HDAC4: variants seen among roughly 807,000 people sequenced by gnomAD.
HDAC4 encodes histone deacetylase A.
A neutral mutation model predicts 135.1 loss-of-function variants in HDAC4; 16 were observed. The ratio of observed to expected loss-of-function variants is 0.12; its 90% CI spans 0.08 to 0.18. The LOEUF is 0.18. Among genes scored for constraint, HDAC4 ranks in the 10% least tolerant of loss-of-function variants. HDAC4 has a pLI of 1.00. For missense variants in HDAC4, 1,143 were observed against 1,511.8 expected (o/e 0.76, Z 4.05); for synonymous variants, 685 against 653.4 (o/e 1.05, Z -0.74).
rs1036053646 is a variant in HDAC4 at position 239,169,296 on chromosome 2, G to A, written c.491-5373C>T. 3.3e-5 allele frequency among the ~76,000 whole-genome samples: 5 copies of A among 152,348 alleles called. No individual in the cohort carries two copies. In the South Asian group the frequency reaches 6.2e-4, roughly 19 times the overall value. On this transcript the variant is annotated intron_variant, in intron 5 of 26. Transcript: ENST00000543185. ...ACCACAGAAGCGTGGAGGGGAGGCCGGACCCCAGGCAGAGGCCCCAGTGCT... is the reference window on the plus strand; with the variant it reads ...ACCACAGAAGCGTGGAGGGGAGGCCAGACCCCAGGCAGAGGCCCCAGTGCT...
intron 3 of HDAC4, among the ~76,000 whole-genome samples, chr2:239,211,696 C>T (rs1559232487): frequency 6.6e-6 from 1 of 152,180 alleles, no homozygotes; most frequent in Admixed American, 6.5e-5. Context: ...CCTTTAAATC[C>T]CAGGCAGTGA....
chr2:239,130,712 T>C (rs1425687846), intron 11 of HDAC4, among the ~76,000 whole-genome samples: 1 of 152,092 alleles, frequency 6.6e-6, no homozygotes, highest in African/African-American at 2.4e-5. Context: ...CGGGAAGCCT[T>C]CCCTAGGCCC....
At chr2:239,187,550 G>C (rs2044640173) in intron 4 of HDAC4, among the ~76,000 whole-genome samples, 1 of 152,208 alleles carries the variant, frequency 6.6e-6, no homozygotes, top group South Asian at 2.1e-4. Flanking sequence ...CCTGCAGCCA[G>C]CTTGAAAACT....
rs1466193530 is a variant in HDAC4, at chr2:239,331,614, G to A, written c.22+21064C>T. 6.6e-6 allele frequency among the ~76,000 whole-genome samples: 1 copy of A among 152,198 alleles called. No individual in the cohort carries two copies. The highest frequency in any genetic ancestry group is 2.4e-5 in the African/African-American group (1 of 41,460). ...CACACACGGGCCAGGTGAGCGAACTGCAATGACACGTCGCCAGGGCTGCAC... is the reference window on the plus strand; with the variant it reads ...CACACACGGGCCAGGTGAGCGAACTACAATGACACGTCGCCAGGGCTGCAC... On this transcript the variant is annotated intron_variant, in intron 2 of 26. Coordinates refer to ENST00000543185, the MANE Select transcript of HDAC4 (RefSeq NM_001378414.1). The surrounding 1 kb of genome is among the most constrained non-coding windows in gnomAD (Gnocchi z 4.5).
chr2:239,370,582 CAGG>C (rs1387792981), intron 1 of HDAC4, among the ~76,000 whole-genome samples: 3 of 152,224 alleles, frequency 2.0e-5, no homozygotes, highest in Non-Finnish European at 2.9e-5. Flanking sequence ...TGGTGTTTTT[CAGG>C]AGGTCATGCA....
intron 2 of HDAC4, among the ~76,000 whole-genome samples, chr2:239,261,189 G>A (rs954053674): frequency 2.6e-5 from 4 of 152,190 alleles, no homozygotes; most frequent in African/African-American, 4.8e-5. Context: ...AGCCCAGCTG[G>A]CCCATTCTGT....
chr2:239,262,974 G>T lies in HDAC4; in HGVS notation c.23-26310C>A, dbSNP rs1174952951. On this transcript the variant is annotated intron_variant, in intron 2 of 26. Coordinates refer to ENST00000543185, the MANE Select transcript of HDAC4 (RefSeq NM_001378414.1). The surrounding 1 kb of genome is among the most constrained non-coding windows in gnomAD (Gnocchi z 4.1). ...AAAGATCTACGCGTGAAGCCCCCGGGAAGCCAAGCCCCAGGAAGGGCCCAT... is the reference window on the plus strand; with the variant it reads ...AAAGATCTACGCGTGAAGCCCCCGGTAAGCCAAGCCCCAGGAAGGGCCCAT... Among the ~76,000 whole-genome samples the T allele has an allele frequency of 6.6e-6, 1 of 152,042 alleles. No homozygotes were observed. Among genetic ancestry groups the T allele is most frequent in the African/African-American group, 2.4e-5 (1 of 41,392 alleles).
intron 22 of HDAC4, among the ~76,000 whole-genome samples, chr2:239,078,456 A>C (rs1282713646): frequency 1.3e-5 from 2 of 151,862 alleles, no homozygotes; most frequent in Non-Finnish European, 2.9e-5. Context: ...CCAATTTCTG[A>C]CCCTTCTTCC....
intron 2 of HDAC4, 116 bp from the exon 3 acceptor site, chr2:239,236,780 T>C (rs2047912604): frequency 1.3e-6 from 1 of 767,278 alleles, no homozygotes. Flanking sequence ...GTGTCCTTCC[T>C]ACTTTTACAG....
intron 2 of HDAC4, among the ~76,000 whole-genome samples, chr2:239,346,296 C>G (rs1439153338): frequency 6.6e-6 from 1 of 150,990 alleles, no homozygotes; most frequent in East Asian, 2.0e-4. Context: ...CACCCTAAAA[C>G]ACAAACACAC....
At chr2:239,108,267 C>A (rs1012039181) in intron 14 of HDAC4, 84 bp from the exon 15 acceptor site, 1 of 1,483,060 alleles carries the variant, frequency 6.7e-7, no homozygotes, top group African/African-American at 1.4e-5. Context: ...CGGGTGGTGG[C>A]GGAACCACCA....
In HDAC4 at chr2:239,189,983, C is replaced by G. The variant is rs1179888491; in HGVS notation, c.189G>C (p.Glu63Asp). 4 of 1,607,288 alleles carry G rather than the reference C, an allele frequency of 2.5e-6. No individual in the cohort carries two copies. The highest frequency in any genetic ancestry group is 4.5e-5 in the East Asian group (2 of 44,844). ...LDHQFSLPVAEPALREQQLQQ... is the reference protein window; with the variant it reads ...LDHQFSLPVADPALREQQLQQ... ...GCAGCTGCTGCTCCCGCAGGGCCGG[C>G]TCTGCCACAGGCAGTGAGAACTGGT... The change falls in exon 4 of 27, where the codon GAG (glutamate) becomes GAC (aspartate). Residue 63 changes from glutamate (E) to aspartate (D), a missense_variant. Around this residue, in one of 9 missense-constraint regions of HDAC4, gnomAD observed 247 missense variants for 310.0 expected, o/e 0.80. Coordinates refer to ENST00000543185, the MANE Select transcript of HDAC4 (RefSeq NM_001378414.1).
At chr2:239,250,746 G>T (rs2048738888) in intron 2 of HDAC4, among the ~76,000 whole-genome samples, 1 of 152,208 alleles carries the variant, frequency 6.6e-6, no homozygotes, top group South Asian at 2.1e-4. Context: ...GGTTTTCAGT[G>T]GCCTGACTGT....
intron 17 of HDAC4, chr2:239,094,354 G>A (rs1198477920): frequency 1.0e-6 from 1 of 985,342 alleles, no homozygotes; most frequent in African/African-American, 1.7e-5. Flanking sequence ...ATGGGCAGAT[G>A]CCCAGACTGG....
intron 16 of HDAC4, among the ~76,000 whole-genome samples, chr2:239,096,982 T>C (rs1482318210): frequency 6.6e-6 from 1 of 152,086 alleles, no homozygotes; most frequent in African/African-American, 2.4e-5. Context: ...CTGCAGCCAC[T>C]TTCAGAAGGG....
At chr2:239,161,653 C>T (rs963343793) in intron 6 of HDAC4, 1 of 242,088 alleles carries the variant, frequency 4.1e-6, no homozygotes, top group African/African-American at 2.3e-5. Context: ...CCCCCTCCAG[C>T]CTGAAGGTCC....
chr2:239,304,876 A>G (rs2052487577), intron 2 of HDAC4, among the ~76,000 whole-genome samples: 1 of 152,118 alleles, frequency 6.6e-6, no homozygotes, highest in Admixed American at 6.5e-5. Context: ...ATACACACAC[A>G]TAGGAGAACG....
intron 4 of HDAC4, 93 bp downstream of exon 4, chr2:239,189,740 G>A: frequency 7.7e-7 from 1 of 1,303,424 alleles, no homozygotes; most frequent in Non-Finnish European, 1.1e-6. Context: ...CATGCCTGGG[G>A]CCCCAGCACA....
chr2:239,235,766 G>A (rs1042183482), intron 3 of HDAC4, among the ~76,000 whole-genome samples: 1 of 152,226 alleles, frequency 6.6e-6, no homozygotes, highest in Non-Finnish European at 1.5e-5. Context: ...GGGGCTGGGC[G>A]CGGTGGCTCA....
Sources: allele counts gnomAD v4.1 joint callset (sites outside exome capture counted in the v4.1 genomes callset), GRCh38; gene constraint gnomAD v4.1.1; regional missense constraint gnomAD v4.1.1; non-coding constraint Gnocchi (gnomAD v3.1); transcripts MANE v1.5; gene names NCBI Gene and HGNC (gene_info 2026-07-23, HGNC 2026-07-21).